STIM1: variants seen among roughly 807,000 people sequenced by gnomAD.
The protein encoded by STIM1 is stromal interaction molecule 1.
Under a neutral mutation model 74.7 loss-of-function variants are expected in STIM1, and 25 were observed. The ratio of observed to expected loss-of-function variants is 0.33; its 90% CI spans 0.24 to 0.47. The LOEUF (loss-of-function observed/expected upper bound fraction) is 0.47, where lower values mean the gene tolerates loss of function less well. STIM1 is among the 20% of genes least tolerant of loss of function. The pLI is 1.00. For missense variants in STIM1, 728 were observed against 920.8 expected (o/e 0.79, Z 2.71); for synonymous variants, 328 against 348.8 (o/e 0.94, Z 0.66).
At chr11:3,932,167 C>T (rs7940635) in intron 1 of STIM1, among the ~76,000 whole-genome samples, 141,947 of 152,176 alleles carry the variant, frequency 0.93, 66,237 homozygotes, top group African/African-American at 0.96. Context: ...CCCACCACCA[C>T]TGGACTCTCT....
At chr11:4,072,084 A>G (rs1208252685) in intron 6 of STIM1, among the ~76,000 whole-genome samples, 1 of 152,192 alleles carries the variant, frequency 6.6e-6, no homozygotes, top group Non-Finnish European at 1.5e-5. Context: ...TTCCAAAGGC[A>G]AAAGAATCTA....
intron 1 of STIM1, among the ~76,000 whole-genome samples, chr11:3,870,529 T>C (rs1218593603): frequency 6.6e-6 from 1 of 152,184 alleles, no homozygotes; most frequent in Non-Finnish European, 1.5e-5. Context: ...CAGGGTCTCA[T>C]TCTGTCGCCC....
intron 1 of STIM1, among the ~76,000 whole-genome samples, chr11:3,963,364 T>C (rs139658865): frequency 6.6e-6 from 1 of 152,344 alleles, no homozygotes; most frequent in East Asian, 1.9e-4. Flanking sequence ...CTGTGTTCTT[T>C]TGCTAAGGAT....
At chr11:3,932,806 C>T (rs1331891800) in intron 1 of STIM1, among the ~76,000 whole-genome samples, 1 of 152,112 alleles carries the variant, frequency 6.6e-6, no homozygotes, top group African/African-American at 2.4e-5. Context: ...TCTGCTGGCA[C>T]CTTGGTCTTG....
intron 12 of STIM1, chr11:4,088,668 T>C (rs1565172972): frequency 6.5e-7 from 1 of 1,534,420 alleles, no homozygotes; most frequent in African/African-American, 1.4e-5. Context: ...CCTGGCCTGT[T>C]CACTACTTAA....
chr11:3,940,987 C>A (rs1590585920), intron 1 of STIM1, among the ~76,000 whole-genome samples: 2 of 152,230 alleles, frequency 1.3e-5, no homozygotes, highest in East Asian at 3.9e-4. Context: ...TATATGCCAC[C>A]ACTTAGTTTA....
chr11:3,923,115 A>AG (rs1491452533), intron 1 of STIM1, among the ~76,000 whole-genome samples: 1 of 146,696 alleles, frequency 6.8e-6, no homozygotes, highest in Non-Finnish European at 1.5e-5. Flanking sequence ...AAAAAAAAAA[A>AG]CAAACACTCT....
intron 3 of STIM1, among the ~76,000 whole-genome samples, chr11:4,031,018 A>G (rs182882526): frequency 1.3e-5 from 2 of 152,346 alleles, no homozygotes; most frequent in Admixed American, 1.3e-4. Context: ...TGGTGAATAT[A>G]TTAATCACCC....
intron 12 of STIM1, among the ~76,000 whole-genome samples, chr11:4,089,710 A>G (rs1260575561): frequency 1.3e-5 from 2 of 152,198 alleles, no homozygotes; most frequent in African/African-American, 4.8e-5. Context: ...TACAATAGCT[A>G]TGAGCCAACC....
chr11:3,940,158 C>T (rs1184050574), intron 1 of STIM1, among the ~76,000 whole-genome samples: 2 of 152,150 alleles, frequency 1.3e-5, no homozygotes, highest in Non-Finnish European at 2.9e-5. Context: ...ACCCAGAACA[C>T]AACAGTTCCG....
intron 4 of STIM1, among the ~76,000 whole-genome samples, chr11:4,056,644 C>G (rs2094292234): frequency 6.6e-6 from 1 of 152,248 alleles, no homozygotes; most frequent in Non-Finnish European, 1.5e-5. Flanking sequence ...CACAGAGCTA[C>G]TGAGCACTGC....
intron 1 of STIM1, among the ~76,000 whole-genome samples, chr11:3,885,587 C>T (rs982350185): frequency 1.3e-5 from 2 of 152,180 alleles, no homozygotes; most frequent in East Asian, 3.8e-4. Flanking sequence ...GGTACTTCAG[C>T]TCACAAAGGT....
intron 2 of STIM1, among the ~76,000 whole-genome samples, chr11:3,980,209 C>A (rs1395378875): frequency 6.6e-6 from 1 of 152,136 alleles, no homozygotes; most frequent in Non-Finnish European, 1.5e-5. Context: ...TTTGTTTAAT[C>A]CTTAACCACT....
chr11:3,862,809 A>T (rs1420900052), intron 1 of STIM1, among the ~76,000 whole-genome samples: 1 of 151,994 alleles, frequency 6.6e-6, no homozygotes, highest in Non-Finnish European at 1.5e-5. Context: ...GGGGTAAAAA[A>T]AGTATATATG....
intron 6 of STIM1, among the ~76,000 whole-genome samples, chr11:4,073,654 G>T (rs1427356220): frequency 6.6e-6 from 1 of 152,234 alleles, no homozygotes; most frequent in Non-Finnish European, 1.5e-5. Context: ...GTGGAGGAAA[G>T]AAGTGAAGAA....
chr11:3,911,008 AAAAC>A (rs142915090), intron 1 of STIM1, among the ~76,000 whole-genome samples: 2,036 of 152,220 alleles, frequency 0.013, 39 homozygotes, highest in African/African-American at 0.047. Context: ...AAGAAAACTG[AAAAC>A]AAACTAACAA....
intron 1 of STIM1, among the ~76,000 whole-genome samples, chr11:3,874,791 A>G (rs914310081): frequency 1.3e-5 from 2 of 152,348 alleles, no homozygotes; most frequent in East Asian, 3.9e-4. Context: ...GTTAAAGAAC[A>G]GAATGAAGTT....
intron 4 of STIM1, among the ~76,000 whole-genome samples, chr11:4,055,845 A>G (rs1026777926): frequency 6.6e-6 from 1 of 152,198 alleles, no homozygotes; most frequent in African/African-American, 2.4e-5. Context: ...TATTCCTGTC[A>G]GTCCTGGGAA....
chr11:4,059,492 C>A, intron 5 of STIM1, 96 bp downstream of exon 5: 1 of 931,760 alleles, frequency 1.1e-6, no homozygotes, highest in Non-Finnish European at 1.7e-6. Flanking sequence ...CTCCTAGGCA[C>A]ACCTGCAAGA....
Sources: gnomAD v4.1 joint callset for allele counts (sites outside exome capture counted in the v4.1 genomes callset) on GRCh38, gnomAD v4.1.1 for gene constraint, MANE v1.5 for transcripts, NCBI Gene and HGNC (gene_info 2026-07-23, HGNC 2026-07-21) for gene names.